Variants in NCAPH2 observed in about 807,000 individuals in gnomAD.
NCAPH2 encodes non-SMC condensin II complex subunit H2, also known as condensin-2 complex subunit H2.
NCAPH2 carries 56 observed loss-of-function variants against 88.6 expected under a neutral mutation model. That is an observed-to-expected ratio of 0.63 (90% CI 0.51 to 0.79). The LOEUF (loss-of-function observed/expected upper bound fraction) is 0.79, where lower values mean the gene tolerates loss of function less well. NCAPH2 is among the 30% of genes least tolerant of loss of function. The pLI is 0.00. For synonymous variants in NCAPH2, 378 were observed against 313.6 expected, an observed-to-expected ratio of 1.21 and a Z score of -2.17; for missense variants, 794 against 792.0, an observed-to-expected ratio of 1.00 and a Z score of -0.03.
rs1361878982 is a variant in NCAPH2, at chr22:50,524,293, C to A, written c.*918C>A. On this transcript the variant is annotated 3_prime_UTR_variant, in exon 20 of 20. Transcript: ENST00000420993. ...CCCACCTGTCTCTGCAGGGCCCTGCCTTGACAAAAGCCAGGACCTCAGATG... is the reference window on the plus strand; with the variant it reads ...CCCACCTGTCTCTGCAGGGCCCTGCATTGACAAAAGCCAGGACCTCAGATG... 4 of 1,603,216 alleles carry A rather than the reference C, an allele frequency of 2.5e-6. No homozygotes were observed. The South Asian group carries it at 4.4e-5, about 18-fold the overall frequency.
chr22:50,523,194 G>C (rs751049465), intron 19 of NCAPH2, 28 bp downstream of exon 19: 1 of 1,613,730 alleles, frequency 6.2e-7, no homozygotes, highest in Non-Finnish European at 8.5e-7. Context: ...CGTGGGAGGG[G>C]GAGACGGTCC....
chr22:50,522,090 C>T lies in NCAPH2; in HGVS notation c.1162+51C>T, dbSNP rs368676286. On this transcript the variant is annotated intron_variant, in intron 13 of 19. Transcript: ENST00000420993. ...CAGTTTTACTCTCCTTCCCCTACCT[C>T]TTCCCCCACCTGGTGTCACCCAAAG... 261 of 1,613,250 alleles carry T rather than the reference C, an allele frequency of 1.6e-4. 1 individual carries two copies. The East Asian group carries it at 3.3e-3, about 20-fold the overall frequency.
rs1603440023 is a variant in NCAPH2 at position 50,508,462 on chromosome 22, A to G, written c.108+17A>G. 7.3e-5 allele frequency: 17 copies of G among 234,456 alleles called. No homozygotes were observed. Among genetic ancestry groups the G allele is most frequent in the South Asian group, 3.1e-4 (4 of 12,758 alleles). The allele number at this position is 234,456 out of a possible 1,614,324, so 14.5% of individuals were successfully genotyped here. A position where few individuals can be genotyped will look rare whatever the true frequency, so the allele number is the denominator to read the frequency against. On this transcript the variant is annotated intron_variant, in intron 1 of 19. Transcript: ENST00000420993. ...CTGGAGGAGGTAAGGGCGGCGGGGG[A>G]GTGACGCGGGGTGGGCCGGCGGGTG...
rs539089690 is a variant in NCAPH2 at position 50,523,507 on chromosome 22, G to T, written c.*132G>T. 1 of 1,545,314 alleles carries T rather than the reference G, an allele frequency of 6.5e-7. No individual in the cohort carries two copies. Among genetic ancestry groups the T allele is most frequent in the Non-Finnish European group, 8.8e-7 (1 of 1,139,678 alleles). On this transcript the variant is annotated 3_prime_UTR_variant, in exon 20 of 20. Coordinates refer to ENST00000420993, the MANE Select transcript of NCAPH2 (RefSeq NM_152299.4). ...TAAAAACCCTTTTATGTACACCTGC[G>T]CAGAGAAGAGGGCTGCCTGGCCTCC...
intron 11 of NCAPH2, 42 bp downstream of exon 11, chr22:50,521,651 G>A (rs2069100691): frequency 1.2e-6 from 2 of 1,612,222 alleles, no homozygotes; most frequent in Non-Finnish European, 1.7e-6. Flanking sequence ...ACCCCTGGCT[G>A]GGTTTCCTGG....
At position 50,521,617 on chromosome 22, in the gene NCAPH2, G is replaced by C; in HGVS notation, c.1000+8G>C. 1 of 1,613,508 alleles carries C rather than the reference G, an allele frequency of 6.2e-7. No individual in the cohort carries two copies. Among genetic ancestry groups the C allele is most frequent in the African/African-American group, 1.3e-5 (1 of 75,032 alleles). ...CTAAGCCCTTCAAGAAAGGTAATTG[G>C]GTGGAAGGTACCTCCACTCAGGTAC... On this transcript the variant is annotated splice_region_variant and intron_variant, in intron 11 of 19. Coordinates refer to ENST00000420993, the MANE Select transcript of NCAPH2 (RefSeq NM_152299.4).
At chr22:50,516,893 A>G (rs1037959305) in intron 2 of NCAPH2, among the ~76,000 whole-genome samples, 4 of 151,936 alleles carry the variant, frequency 2.6e-5, no homozygotes, top group Admixed American at 6.6e-5. Context: ...AAAGTCCACA[A>G]CCACCACCCT....
rs749910960 is a variant in NCAPH2 at position 50,523,922 on chromosome 22, A to C, written c.*547A>C. 2.5e-6 allele frequency: 4 copies of C among 1,613,230 alleles called. No individual in the cohort carries two copies. The highest frequency in any genetic ancestry group is 2.5e-6 in the Non-Finnish European group (3 of 1,179,658). ...TCCCGCTCGGGGTCCACAGTGATGA[A>C]GACAGGCTGCACTGGAGGCAAACCA... On this transcript the variant is annotated 3_prime_UTR_variant, in exon 20 of 20. Coordinates refer to ENST00000420993, the MANE Select transcript of NCAPH2 (RefSeq NM_152299.4).
chr22:50,508,327 C>A lies in NCAPH2; in HGVS notation c.-11C>A. Reference sequence around the variant, plus strand: ...CCCTGCGGTCCCTTTGCCGCCCGTTCCCTCCCGGACATGGAGGACGTGGAG... The same window carrying A: ...CCCTGCGGTCCCTTTGCCGCCCGTTACCTCCCGGACATGGAGGACGTGGAG... On this transcript the variant is annotated 5_prime_UTR_variant, in exon 1 of 20. Transcript: ENST00000420993. 1 of 1,480,298 alleles carries A rather than the reference C, an allele frequency of 6.8e-7. No homozygotes were observed. The highest frequency in any genetic ancestry group is 8.9e-7 in the Non-Finnish European group (1 of 1,118,974). 91.7% of individuals were successfully genotyped at this position (1,480,298 alleles called of 1,614,324 possible).
chr22:50,513,378 C>T (rs887945500), intron 1 of NCAPH2, among the ~76,000 whole-genome samples: 1 of 151,880 alleles, frequency 6.6e-6, no homozygotes, highest in African/African-American at 2.4e-5. Context: ...GTGGCTCACG[C>T]CTGTGATCCC....
intron 1 of NCAPH2, among the ~76,000 whole-genome samples, chr22:50,508,757 A>C (rs2068700153): frequency 6.6e-6 from 1 of 152,218 alleles, no homozygotes; most frequent in African/African-American, 2.4e-5. Context: ...TATTGCTTTT[A>C]TTGCAGTTAT....
At chr22:50,511,796 C>T (rs2068791475) in intron 1 of NCAPH2, among the ~76,000 whole-genome samples, 1 of 151,694 alleles carries the variant, frequency 6.6e-6, no homozygotes, top group Non-Finnish European at 1.5e-5. Flanking sequence ...CAGGCGCCCG[C>T]CACCACGCCT....
intron 2 of NCAPH2, among the ~76,000 whole-genome samples, chr22:50,517,108 C>T (rs753595996): frequency 7.2e-5 from 11 of 152,144 alleles, no homozygotes; most frequent in South Asian, 6.2e-4. Flanking sequence ...CGAGGGGCCT[C>T]ACCACCAAGG....
chr22:50,524,162 T>C lies in NCAPH2; in HGVS notation c.*787T>C. 1.9e-6 allele frequency: 3 copies of C among 1,610,818 alleles called. No individual in the cohort carries two copies. Among genetic ancestry groups the C allele is most frequent in the African/African-American group, 1.3e-5 (1 of 75,018 alleles). ...TCTGTTCGCTTTTGCTGCTGCAGCCTCTCCTTCTCAGCCCTCAGGGCCAGC... is the reference window on the plus strand; with the variant it reads ...TCTGTTCGCTTTTGCTGCTGCAGCCCCTCCTTCTCAGCCCTCAGGGCCAGC... On this transcript the variant is annotated 3_prime_UTR_variant, in exon 20 of 20. Transcript: ENST00000420993.
rs1056154442 is a variant in NCAPH2 at position 50,511,876 on chromosome 22, T to G, written c.108+3431T>G. ...GTTAGCCAGGATGGTCTTGGTCTCC[T>G]GACCTCGTGATCCACCCGCCTCGGC... On this transcript the variant is annotated intron_variant, in intron 1 of 19. Coordinates refer to ENST00000420993, the MANE Select transcript of NCAPH2 (RefSeq NM_152299.4). 4.6e-5 allele frequency among the ~76,000 whole-genome samples: 7 copies of G among 152,120 alleles called. 2 individuals are homozygous for G.
chr22:50,523,696 TC>T lies in NCAPH2; in HGVS notation c.*323del, dbSNP rs2069189855. On this transcript the variant is annotated 3_prime_UTR_variant, in exon 20 of 20. Coordinates refer to ENST00000420993, the MANE Select transcript of NCAPH2 (RefSeq NM_152299.4). ...AGCCGATCTGCTCCGGCCGTAGTAA[TC>T]CGTGAAGAGGCCGTCAGGGTTGAGC... The T allele has an allele frequency of 6.2e-7, 1 of 1,614,008 alleles. No individual in the cohort carries two copies. The highest frequency in any genetic ancestry group is 1.3e-5 in the African/African-American group (1 of 74,924).
chr22:50,520,793 C>T (rs752340892), intron 9 of NCAPH2, 172 bp from the exon 10 acceptor site: 2 of 646,780 alleles, frequency 3.1e-6, no homozygotes, highest in Non-Finnish European at 5.1e-6. Flanking sequence ...AAACTCTTGA[C>T]CTCGGGTGAT....
At chr22:50,512,882 T>G (rs1032054411) in intron 1 of NCAPH2, among the ~76,000 whole-genome samples, 1 of 152,176 alleles carries the variant, frequency 6.6e-6, no homozygotes, top group Non-Finnish European at 1.5e-5. Flanking sequence ...CCTACTCTCT[T>G]TTATCCATTT....
chr22:50,524,070 G>C lies in NCAPH2; in HGVS notation c.*695G>C. The C allele has an allele frequency of 6.2e-7, 1 of 1,613,268 alleles. No individual in the cohort carries two copies. Among genetic ancestry groups the C allele is most frequent in the Non-Finnish European group, 8.5e-7 (1 of 1,180,012 alleles). On this transcript the variant is annotated 3_prime_UTR_variant, in exon 20 of 20. Coordinates refer to ENST00000420993, the MANE Select transcript of NCAPH2 (RefSeq NM_152299.4). ...ACTGGCCCCGGAAGTCAGCCTTGCA[G>C]CGAGCCCGGCCTCTGTGATCCAGCA...
Sources: allele counts gnomAD v4.1 joint callset (sites outside exome capture counted in the v4.1 genomes callset), GRCh38; gene constraint gnomAD v4.1.1; transcripts MANE v1.5; gene names NCBI Gene and HGNC (gene_info 2026-07-23, HGNC 2026-07-21).